The following KITLG variants were observed in gnomAD, a reference collection of about 807,000 sequenced individuals.
The protein encoded by KITLG is c-Kit ligand.
A neutral mutation model predicts 34.1 loss-of-function variants in KITLG; 13 were observed. The observed-to-expected ratio is 0.38, with a 90% CI of 0.25 to 0.61. The LOEUF (loss-of-function observed/expected upper bound fraction) is 0.61. Among genes scored for constraint, KITLG ranks in the 20% least tolerant of loss-of-function variants. The probability of loss-of-function intolerance (pLI) is 0.60; values close to 1 mark genes in which losing one functional copy is unlikely to be tolerated. For synonymous variants in KITLG, 110 were observed against 104.0 expected (o/e 1.06, Z -0.35); for missense variants, 292 against 318.9 (o/e 0.92, Z 0.64).
chr12:88,555,833 T>C (rs1473614691), intron 1 of KITLG, among the ~76,000 whole-genome samples: 3 of 152,132 alleles, frequency 2.0e-5, no homozygotes, highest in African/African-American at 4.8e-5. Flanking sequence ...ATGTATGGAG[T>C]ATCTAATAAA....
intron 1 of KITLG, among the ~76,000 whole-genome samples, chr12:88,551,337 A>G (rs1870906337): frequency 6.6e-6 from 1 of 152,192 alleles, no homozygotes; most frequent in African/African-American, 2.4e-5. Flanking sequence ...TGCAGAGCTT[A>G]CTTCTTTATA....
chr12:88,495,619 T>C lies in KITLG; in HGVS notation c.*1600A>G, dbSNP rs1868611797. ...TTACTGGAGTTGCATCTGGATTTGC[T>C]TTGAACAGAAGCTAAAATCCAAATA... On this transcript the variant is annotated 3_prime_UTR_variant, in exon 10 of 10. Transcript: ENST00000644744. 1 of 152,542 alleles carries C rather than the reference T, an allele frequency of 6.6e-6. No homozygotes were observed. Among genetic ancestry groups the C allele is most frequent in the African/African-American group, 2.4e-5 (1 of 41,442 alleles). The allele number at this position is 152,542 out of a possible 1,614,324, so 9.4% of individuals were successfully genotyped here. A position where few individuals can be genotyped will look rare whatever the true frequency, so the allele number is the denominator to read the frequency against.
intron 3 of KITLG, among the ~76,000 whole-genome samples, chr12:88,523,951 C>T (rs1869771725): frequency 6.6e-6 from 1 of 152,170 alleles, no homozygotes; most frequent in Non-Finnish European, 1.5e-5. Context: ...TGTGTTATTT[C>T]CCAGGGCAGA....
intron 1 of KITLG, among the ~76,000 whole-genome samples, chr12:88,556,967 A>C (rs1211119505): frequency 2.0e-5 from 3 of 152,318 alleles, no homozygotes; most frequent in East Asian, 3.9e-4. Context: ...GATGGAACTA[A>C]AAGTCAATCA....
intron 6 of KITLG, among the ~76,000 whole-genome samples, chr12:88,515,004 T>A (rs971846991): frequency 6.6e-6 from 1 of 151,800 alleles, no homozygotes; most frequent in African/African-American, 2.4e-5. Flanking sequence ...ATAAGCCTAT[T>A]CTCATCAAGC....
chr12:88,557,749 A>G (rs1871145803), intron 1 of KITLG, among the ~76,000 whole-genome samples: 1 of 152,186 alleles, frequency 6.6e-6, no homozygotes, highest in Non-Finnish European at 1.5e-5. Flanking sequence ...ATGGAAACAT[A>G]ATTTTAAAAA....
At chr12:88,578,300 C>T (rs753252991) in intron 1 of KITLG, among the ~76,000 whole-genome samples, 4 of 152,136 alleles carry the variant, frequency 2.6e-5, no homozygotes, top group Admixed American at 6.5e-5. Flanking sequence ...GCAATGAATG[C>T]CTTCATTCAA....
At chr12:88,534,674 G>A (rs1291613156) in intron 2 of KITLG, 1 of 513,140 alleles carries the variant, frequency 1.9e-6, no homozygotes, top group Non-Finnish European at 3.9e-6. Flanking sequence ...TTCCATTGCT[G>A]CTTATTGAAA....
intron 1 of KITLG, among the ~76,000 whole-genome samples, chr12:88,564,509 G>T (rs1215600802): frequency 1.3e-5 from 2 of 152,126 alleles, no homozygotes; most frequent in Non-Finnish European, 2.9e-5. Flanking sequence ...ATGTACTTCG[G>T]CTGCTGTATG....
At chr12:88,556,880 C>G (rs533113559) in intron 1 of KITLG, among the ~76,000 whole-genome samples, 1 of 152,172 alleles carries the variant, frequency 6.6e-6, no homozygotes, top group African/African-American at 2.4e-5. Context: ...AAAACAAGCA[C>G]TAAAAGATGT....
At chr12:88,573,427 C>T (rs1871722740) in intron 1 of KITLG, among the ~76,000 whole-genome samples, 1 of 152,144 alleles carries the variant, frequency 6.6e-6, no homozygotes, top group South Asian at 2.1e-4. Context: ...TCACAATAGA[C>T]CACCATTATT....
chr12:88,521,859 C>T (rs1470060952), intron 3 of KITLG, among the ~76,000 whole-genome samples: 1 of 152,144 alleles, frequency 6.6e-6, no homozygotes, highest in African/African-American at 2.4e-5. Flanking sequence ...TATAGCAGCT[C>T]TAGCTAGGAC....
At chr12:88,569,401 C>A (rs1420612331) in intron 1 of KITLG, among the ~76,000 whole-genome samples, 1 of 152,182 alleles carries the variant, frequency 6.6e-6, no homozygotes, top group Non-Finnish European at 1.5e-5. Context: ...ATTGCTTCAA[C>A]TTTCCCTTTC....
intron 1 of KITLG, among the ~76,000 whole-genome samples, chr12:88,563,676 T>C (rs1871359823): frequency 6.6e-6 from 1 of 152,170 alleles, no homozygotes; most frequent in South Asian, 2.1e-4. Context: ...GAAAGGAAGA[T>C]GTGGCCGGGC....
At chr12:88,531,249 G>A (rs1870075375) in intron 3 of KITLG, among the ~76,000 whole-genome samples, 1 of 152,146 alleles carries the variant, frequency 6.6e-6, no homozygotes, top group African/African-American at 2.4e-5. Flanking sequence ...CATAACACTA[G>A]TGAATGCTGT....
At chr12:88,528,429 T>C (rs1316416288) in intron 3 of KITLG, among the ~76,000 whole-genome samples, 1 of 152,228 alleles carries the variant, frequency 6.6e-6, no homozygotes, top group Non-Finnish European at 1.5e-5. Context: ...AGTCATTATT[T>C]ACATGGTATC....
At chr12:88,505,598 G>C (rs1460980423) in intron 8 of KITLG, among the ~76,000 whole-genome samples, 9 of 152,140 alleles carry the variant, frequency 5.9e-5, no homozygotes, top group African/African-American at 2.2e-4. Flanking sequence ...GGGCAGTATA[G>C]GGTAAGGTGA....
chr12:88,504,667 G>C (rs1330267383), intron 9 of KITLG, among the ~76,000 whole-genome samples: 1 of 152,140 alleles, frequency 6.6e-6, no homozygotes, highest in Admixed American at 6.6e-5. Flanking sequence ...CTGTTGGTGG[G>C]ACTGTAAAGT....
intron 3 of KITLG, among the ~76,000 whole-genome samples, chr12:88,524,850 C>T (rs3782171): frequency 0.084 from 12,834 of 152,158 alleles, 571 homozygotes; most frequent in Non-Finnish European, 0.1. Context: ...CATGGGAGAT[C>T]GAGGCAGATA....
Sources: allele counts gnomAD v4.1 joint callset (sites outside exome capture counted in the v4.1 genomes callset), GRCh38; gene constraint gnomAD v4.1.1; transcripts MANE v1.5; gene names NCBI Gene and HGNC (gene_info 2026-07-23, HGNC 2026-07-21).